Variants in SOX6 observed in about 807,000 individuals in gnomAD.
SOX6 encodes the protein transcription factor SOX-6.
Under a neutral mutation model 97.8 loss-of-function variants are expected in SOX6, and 11 were observed. That is an observed-to-expected ratio of 0.11 (90% CI 0.07 to 0.19). The LOEUF is 0.19. SOX6 is among the 10% of genes least tolerant of loss of function. The pLI is 1.00. For missense variants in SOX6, 810 were observed against 1,039.5 expected, an observed-to-expected ratio of 0.78 and a Z score of 3.04; for synonymous variants, 360 against 371.4, an observed-to-expected ratio of 0.97 and a Z score of 0.35.
intron 3 of SOX6, among the ~76,000 whole-genome samples, chr11:16,271,770 T>C (rs1854267680): frequency 6.6e-6 from 1 of 151,354 alleles, no homozygotes; most frequent in South Asian, 2.1e-4. Context: ...ATCAATTTAG[T>C]TAAAATTTGT....
chr11:16,660,520 G>GGTGAATGC (rs1449645089), intron 3 of SOX6, among the ~76,000 whole-genome samples: 25 of 152,246 alleles, frequency 1.6e-4, no homozygotes, highest in Admixed American at 1.5e-3. Context: ...GATCTATCTA[G>GGTGAATGC]GTGAATGCTC....
chr11:16,096,594 C>T lies in SOX6; in HGVS notation c.979-476G>A, dbSNP rs547373774. Among the ~76,000 whole-genome samples the T allele has an allele frequency of 3.3e-5, 5 of 151,862 alleles. No individual in the cohort carries two copies. In the East Asian group the frequency reaches 9.7e-4, roughly 29 times the overall value. On this transcript the variant is annotated intron_variant, in intron 8 of 15. Transcript: ENST00000683767. Reference sequence around the variant, plus strand: ...AAGTATTGCAGAAATTCTTTATTTGCAGATCCAGTTGGAAACATTCAAAAT... The same window carrying T: ...AAGTATTGCAGAAATTCTTTATTTGTAGATCCAGTTGGAAACATTCAAAAT...
In SOX6 at chr11:16,692,263, G is replaced by T. The variant is rs530043144; in HGVS notation, n.429+22567C>A. The stretch of plus-strand genomic sequence containing the variant: ...TTTTTGTATTTTTAGTGGAGACAGG[G>T]TTTCGCCATGTAGGCCAGGCTGGTG... On this transcript the variant is annotated intron_variant and non_coding_transcript_variant, in intron 3 of 5. Coordinates refer to the SOX6 transcript ENST00000524520. Among the ~76,000 whole-genome samples the T allele has an allele frequency of 3.3e-5, 5 of 152,200 alleles. No individual in the cohort carries two copies. In the South Asian group the frequency reaches 1.0e-3, roughly 32 times the overall value.
At chr11:16,597,532 T>C (rs957323422) in intron 4 of SOX6, among the ~76,000 whole-genome samples, 12 of 151,922 alleles carry the variant, frequency 7.9e-5, no homozygotes, top group African/African-American at 2.4e-4. Flanking sequence ...AAATCAAAAT[T>C]GAAAGTTTAA....
intron 1 of SOX6, among the ~76,000 whole-genome samples, chr11:16,441,948 C>A (rs901403009): frequency 6.6e-6 from 1 of 152,156 alleles, no homozygotes; most frequent in African/African-American, 2.4e-5. Flanking sequence ...TTGGGTGCAA[C>A]AAACTTTAAA....
intron 1 of SOX6, among the ~76,000 whole-genome samples, chr11:16,434,774 ATAAAC>A (rs1448438446): frequency 6.6e-6 from 1 of 152,234 alleles, no homozygotes; most frequent in Admixed American, 6.5e-5. Flanking sequence ...GAGATGCCAT[ATAAAC>A]TAAACATTAA....
At chr11:15,981,309 C>A (rs550299003) in intron 15 of SOX6, among the ~76,000 whole-genome samples, 1 of 152,132 alleles carries the variant, frequency 6.6e-6, no homozygotes, top group African/African-American at 2.4e-5. Flanking sequence ...TATTTAAGAA[C>A]CCTTCCTCCC....
At chr11:16,341,403 G>T in intron 1 of SOX6, 151 bp from the exon 2 acceptor site, 1 of 1,076,378 alleles carries the variant, frequency 9.3e-7, no homozygotes, top group Non-Finnish European at 1.3e-6. Flanking sequence ...AGAACTCCTG[G>T]CTTATGTGTC....
chr11:16,335,770 A>G (rs1195793421), intron 2 of SOX6, among the ~76,000 whole-genome samples: 2 of 152,282 alleles, frequency 1.3e-5, no homozygotes, highest in Non-Finnish European at 1.5e-5. Flanking sequence ...TATGACTCCA[A>G]GTGAAAAACA....
chr11:16,118,742 T>C (rs866704906), intron 6 of SOX6, among the ~76,000 whole-genome samples: 3 of 152,200 alleles, frequency 2.0e-5, no homozygotes, highest in Non-Finnish European at 4.4e-5. Flanking sequence ...ATTTTCTCTT[T>C]CATGAAGATT....
chr11:16,308,604 G>T (rs1295908974), intron 3 of SOX6, among the ~76,000 whole-genome samples: 1 of 152,074 alleles, frequency 6.6e-6, no homozygotes, highest in Non-Finnish European at 1.5e-5. Flanking sequence ...CAATATAAAT[G>T]GTTGGCTAGA....
At chr11:16,168,258 T>C (rs1023018069) in intron 6 of SOX6, among the ~76,000 whole-genome samples, 1 of 151,912 alleles carries the variant, frequency 6.6e-6, no homozygotes, top group Non-Finnish European at 1.5e-5. Context: ...AAAGGAAAAA[T>C]AGGTATCAAA....
At chr11:16,022,338 C>CCTTCCTTG (rs1855087457) in intron 12 of SOX6, among the ~76,000 whole-genome samples, 1 of 140,390 alleles carries the variant, frequency 7.1e-6, no homozygotes, top group African/African-American at 2.7e-5. Context: ...TTCTTTCCTT[C>CCTTCCTTG]CTTCCTTCCT....
At chr11:16,277,727 T>C (rs1291167728) in intron 3 of SOX6, among the ~76,000 whole-genome samples, 2 of 152,222 alleles carry the variant, frequency 1.3e-5, no homozygotes, top group African/African-American at 2.4e-5. Context: ...CATTCGTTTA[T>C]CTTTCTTTCC....
rs537637424 is a variant in SOX6, at chr11:16,610,870, C to A, written n.609+1211G>T. Among the ~76,000 whole-genome samples, 12 of 152,242 alleles carry A rather than the reference C, an allele frequency of 7.9e-5. No homozygotes were observed. The highest frequency in any genetic ancestry group is 4.6e-4 in the Admixed American group (7 of 15,302). ...CCTGGTGCGCACCGGCCTGCGGGCT[C>A]GGAGAAGTTCCCGGAGGAGCAGAGG... is the stretch of plus-strand genomic sequence containing the variant. On this transcript the variant is annotated intron_variant and non_coding_transcript_variant, in intron 4 of 5. Transcript: ENST00000524520. The surrounding 1 kb of genome is among the most constrained non-coding windows in gnomAD (Gnocchi z 4.4).
At chr11:16,202,071 C>T (rs1036768328) in intron 4 of SOX6, among the ~76,000 whole-genome samples, 1 of 152,078 alleles carries the variant, frequency 6.6e-6, no homozygotes, top group Non-Finnish European at 1.5e-5. Context: ...AAAACTTATA[C>T]TTTCACTACT....
intron 3 of SOX6, among the ~76,000 whole-genome samples, chr11:16,651,119 GT>G (rs1338837662): frequency 1.3e-5 from 2 of 151,868 alleles, no homozygotes; most frequent in African/African-American, 4.8e-5. Context: ...GATTAAAAGA[GT>G]AATTTTTAAA....
rs140964375 is a variant in SOX6 at position 16,717,556 on chromosome 11, T to C, written n.354-2651A>G. On this transcript the variant is annotated intron_variant and non_coding_transcript_variant, in intron 2 of 5. Transcript: ENST00000524520. Reference sequence around the variant, plus strand: ...CTTGGCTGTTTGGTGAGGAACTTTATAAGAATTGGTAACCTATGTCCTTTG... The same window carrying C: ...CTTGGCTGTTTGGTGAGGAACTTTACAAGAATTGGTAACCTATGTCCTTTG... Among the ~76,000 whole-genome samples the C allele has an allele frequency of 1.7e-3, 259 of 152,272 alleles. 1 individual carries two copies. Among genetic ancestry groups the C allele is most frequent in the South Asian group, 4.8e-3 (23 of 4,826 alleles).
intron 3 of SOX6, among the ~76,000 whole-genome samples, chr11:16,692,801 A>T: frequency 6.6e-6 from 1 of 152,194 alleles, no homozygotes; most frequent in Non-Finnish European, 1.5e-5. Flanking sequence ...TCCTACTTTC[A>T]TAGAATATAG....
Sources: allele counts gnomAD v4.1 joint callset (sites outside exome capture counted in the v4.1 genomes callset), GRCh38; gene constraint gnomAD v4.1.1; non-coding constraint Gnocchi (gnomAD v3.1); transcripts MANE v1.5; gene names NCBI Gene and HGNC (gene_info 2026-07-23, HGNC 2026-07-21).